C10orf143: variants seen among roughly 807,000 people sequenced by gnomAD.
The protein encoded by C10orf143 is chromosome 10 open reading frame 143.
In C10orf143 at chr10:130,108,911, C is replaced by T. The variant is rs996953275; in HGVS notation, c.69+1793G>A. Among the ~76,000 whole-genome samples, 5 of 152,310 alleles carry T rather than the reference C, an allele frequency of 3.3e-5. No homozygotes were observed. The East Asian group carries it at 7.7e-4, about 23-fold the overall frequency. On this transcript the variant is annotated intron_variant, in intron 1 of 3. Coordinates refer to ENST00000637128, the MANE Select transcript of C10orf143 (RefSeq NM_001355042.2). Reference sequence around the variant, plus strand: ...ACGTCTCCACTAAACGTCTCAAAGTCGCAGAAAACACAGCATGGCCTAACA... The same window carrying T: ...ACGTCTCCACTAAACGTCTCAAAGTTGCAGAAAACACAGCATGGCCTAACA...
intron 3 of C10orf143, among the ~76,000 whole-genome samples, chr10:130,077,676 A>G (rs1387815187): frequency 1.3e-5 from 2 of 152,264 alleles, no homozygotes; most frequent in African/African-American, 4.8e-5. Context: ...CACGACTCCC[A>G]GGGATCTTGC....
chr10:130,074,363 G>A (rs943253685), intron 3 of C10orf143, among the ~76,000 whole-genome samples: 6 of 152,296 alleles, frequency 3.9e-5, no homozygotes, highest in African/African-American at 1.4e-4. Flanking sequence ...CTTACAGAAT[G>A]ATCAATGAAG....
chr10:130,047,699 C>T (rs1860692744), intron 3 of C10orf143, among the ~76,000 whole-genome samples: 2 of 152,230 alleles, frequency 1.3e-5, no homozygotes, highest in South Asian at 2.1e-4. Context: ...GACACCCAGG[C>T]CACGTGACCC....
chr10:130,061,639 G>T (rs186379285), downstream of C10orf143, among the ~76,000 whole-genome samples: 2 of 152,208 alleles, frequency 1.3e-5, no homozygotes, highest in East Asian at 1.9e-4. Flanking sequence ...GTTTCCTCAG[G>T]GTGTAAGAAA....
downstream of C10orf143, among the ~76,000 whole-genome samples, chr10:130,060,973 A>AT: frequency 6.6e-6 from 1 of 152,210 alleles, no homozygotes; most frequent in African/African-American, 2.4e-5. Context: ...CCCCACCTCT[A>AT]CAAAAAATAC....
intron 3 of C10orf143, among the ~76,000 whole-genome samples, chr10:130,047,818 T>G (rs933919151): frequency 6.6e-6 from 1 of 150,818 alleles, no homozygotes; most frequent in East Asian, 2.0e-4. Flanking sequence ...CCCATCAATG[T>G]CATTTCCATA....
chr10:130,090,693 A>G (rs1450615864), intron 1 of C10orf143, among the ~76,000 whole-genome samples: 1 of 149,538 alleles, frequency 6.7e-6, no homozygotes, highest in African/African-American at 2.4e-5. Flanking sequence ...GCACAGCAGT[A>G]TGAAGTCAAC....
downstream of C10orf143, among the ~76,000 whole-genome samples, chr10:130,060,016 C>CTG (rs2134740452): frequency 6.6e-6 from 1 of 151,990 alleles, no homozygotes; most frequent in African/African-American, 2.4e-5. Context: ...CAGCTGCAGT[C>CTG]ATATTCTGTC....
downstream of C10orf143, among the ~76,000 whole-genome samples, chr10:130,060,698 C>T (rs1431210714): frequency 6.6e-6 from 1 of 151,828 alleles, no homozygotes; most frequent in Non-Finnish European, 1.5e-5. Context: ...GTAGCGGGCA[C>T]CTGCAGTCCC....
At chr10:130,041,529 G>T (rs1300686494) in intron 3 of C10orf143, among the ~76,000 whole-genome samples, 2 of 152,146 alleles carry the variant, frequency 1.3e-5, no homozygotes, top group East Asian at 3.8e-4. Context: ...TTTAAAACAT[G>T]TTGCCAACTT....
chr10:130,101,876 A>AC (rs1861561705), intron 1 of C10orf143, among the ~76,000 whole-genome samples: 1 of 149,978 alleles, frequency 6.7e-6, no homozygotes, highest in African/African-American at 2.5e-5. Context: ...AAAAAAAAAA[A>AC]AAAAAAAAAC....
At chr10:130,067,350 G>C (rs1437164384) in intron 3 of C10orf143, 1 of 152,290 alleles carries the variant, frequency 6.6e-6, no homozygotes, top group Non-Finnish European at 1.5e-5. Context: ...CACCCAGATT[G>C]ATGCCCTCAC....
At chr10:130,100,588 T>C (rs1861532349) in intron 1 of C10orf143, among the ~76,000 whole-genome samples, 1 of 152,146 alleles carries the variant, frequency 6.6e-6, no homozygotes, top group Admixed American at 6.6e-5. Context: ...AAAGAGTTAA[T>C]ATAACTGTAT....
intron 1 of C10orf143, chr10:130,105,902 C>T: frequency 2.7e-6 from 1 of 366,548 alleles, no homozygotes; most frequent in Non-Finnish European, 5.4e-6. Flanking sequence ...GCCCGCATCC[C>T]CCAGCTCCCC....
intron 3 of C10orf143, among the ~76,000 whole-genome samples, chr10:130,048,478 T>A (rs1283803461): frequency 6.6e-6 from 1 of 152,140 alleles, no homozygotes; most frequent in African/African-American, 2.4e-5. Flanking sequence ...CAGTACCCTC[T>A]GCTGGGACAC....
intron 1 of C10orf143, among the ~76,000 whole-genome samples, chr10:130,091,981 G>A (rs1181008146): frequency 6.6e-6 from 1 of 152,100 alleles, no homozygotes; most frequent in Non-Finnish European, 1.5e-5. Flanking sequence ...AACCAACTTG[G>A]AAACCCTCTT....
intron 3 of C10orf143, among the ~76,000 whole-genome samples, chr10:130,041,385 CA>C (rs908251359): frequency 1.3e-5 from 2 of 152,044 alleles, no homozygotes; most frequent in Non-Finnish European, 2.9e-5. Context: ...CATGATGGAC[CA>C]AAAAGCAGGG....
At chr10:130,070,341 C>A (rs866968721) in intron 3 of C10orf143, among the ~76,000 whole-genome samples, 1 of 152,214 alleles carries the variant, frequency 6.6e-6, no homozygotes, top group Non-Finnish European at 1.5e-5. Context: ...CCTGGTGCAG[C>A]CTGTCCACAT....
Position 130,079,790 on chromosome 10 carries a change from C to G in C10orf143, c.181G>C (p.Gly61Arg), listed in dbSNP as rs1461213350. 2.5e-6 allele frequency: 1 copy of G among 398,562 alleles called. No homozygotes were observed. Among genetic ancestry groups the G allele is most frequent in the Admixed American group, 4.4e-5 (1 of 22,716 alleles). 24.7% of individuals were successfully genotyped at this position (398,562 alleles called of 1,614,324 possible). Reference sequence around the variant, plus strand: ...TCTGGCCTTGGTGCTGGGAGGCAGCCTCTTGATGGAAGCTCCCGGTCCTCT... The same window carrying G: ...TCTGGCCTTGGTGCTGGGAGGCAGCGTCTTGATGGAAGCTCCCGGTCCTCT... ...GPEDRELPSR[G>R]CLPAPRPESG... is the part of the protein sequence containing the mutation. Residue 61 changes from glycine to arginine, a missense_variant, in exon 2 of 4, where the codon GGC becomes CGC. Transcript: ENST00000637128.
Sources: allele counts gnomAD v4.1 joint callset (sites outside exome capture counted in the v4.1 genomes callset), GRCh38; gene constraint gnomAD v4.1.1; transcripts MANE v1.5; gene names NCBI Gene and HGNC (gene_info 2026-07-23, HGNC 2026-07-21).